Variants in CNTLN observed in about 807,000 individuals in gnomAD.
CNTLN encodes the protein centlein, also known as centlein, centrosomal protein.
CNTLN carries 212 observed loss-of-function variants against 180.0 expected under a neutral mutation model. That is an observed-to-expected ratio of 1.18 (90% CI 1.05 to 1.32). CNTLN has a LOEUF of 1.32. CNTLN is among the 40% of genes most tolerant of loss of function. The probability of loss-of-function intolerance (pLI) is 0.00; values close to 1 mark genes in which losing one functional copy is unlikely to be tolerated. For synonymous variants in CNTLN, 722 were observed against 563.1 expected (o/e 1.28, Z -3.99); for missense variants, 2,095 against 1,610.9 (o/e 1.30, Z -5.14).
At chr9:17,505,035 G>A (rs1051238693), downstream of CNTLN, among the ~76,000 whole-genome samples, 1 of 152,040 alleles carries the variant, frequency 6.6e-6, no homozygotes. Flanking sequence ...CACAATCAAA[G>A]CTGGTTCAAT....
chr9:17,382,671 T>C (rs1377443377), intron 13 of CNTLN, among the ~76,000 whole-genome samples: 1 of 152,162 alleles, frequency 6.6e-6, no homozygotes, highest in Admixed American at 6.5e-5. Flanking sequence ...ATTTTATAAA[T>C]AAAGGAAGGT....
At chr9:17,281,280 A>T (rs1889088) in intron 6 of CNTLN, among the ~76,000 whole-genome samples, 42,743 of 150,352 alleles carry the variant, frequency 0.28, 6,075 homozygotes, top group South Asian at 0.41. Context: ...TTTATTTTTT[A>T]AAAATTAATT....
chr9:17,526,821 C>T, the CNTLN span, among the ~76,000 whole-genome samples: 7 of 151,902 alleles, frequency 4.6e-5, no homozygotes, highest in African/African-American at 1.7e-4. Flanking sequence ...AAAATGCTTA[C>T]AATTTTTCAG....
the CNTLN span, among the ~76,000 whole-genome samples, chr9:17,516,335 C>T: frequency 2.6e-5 from 4 of 152,284 alleles, no homozygotes; most frequent in South Asian, 6.2e-4. Flanking sequence ...TAACTTTGCT[C>T]ACCCATTGCA....
At chr9:17,178,481 G>T (rs1250006955) in intron 2 of CNTLN, among the ~76,000 whole-genome samples, 1 of 152,118 alleles carries the variant, frequency 6.6e-6, no homozygotes, top group Non-Finnish European at 1.5e-5. Context: ...GGTTAGGGAG[G>T]CTCGGGCTGC....
At chr9:17,309,025 A>G in intron 7 of CNTLN, 33 bp from the exon 8 acceptor site, 2 of 1,385,886 alleles carry the variant, frequency 1.4e-6, no homozygotes, top group Non-Finnish European at 9.7e-7. Flanking sequence ...TTTATTGATT[A>G]TTAATATAAT....
chr9:17,303,275 A>G (rs992733949), intron 7 of CNTLN, among the ~76,000 whole-genome samples: 9 of 152,314 alleles, frequency 5.9e-5, no homozygotes, highest in African/African-American at 1.9e-4. Context: ...AGATTCTACA[A>G]ACTTGCATTA....
chr9:17,151,524 T>G (rs1818877588), intron 2 of CNTLN, among the ~76,000 whole-genome samples: 1 of 152,216 alleles, frequency 6.6e-6, no homozygotes, highest in Non-Finnish European at 1.5e-5. Flanking sequence ...TTCATCATGG[T>G]GGATAAGCTT....
At chr9:17,266,760 T>G (rs1158501615) in intron 5 of CNTLN, among the ~76,000 whole-genome samples, 1 of 152,222 alleles carries the variant, frequency 6.6e-6, no homozygotes, top group Non-Finnish European at 1.5e-5. Context: ...AGTGAGCTCT[T>G]GTTGTTGAAT....
intron 7 of CNTLN, among the ~76,000 whole-genome samples, chr9:17,303,643 T>A (rs1818518508): frequency 6.6e-6 from 1 of 152,202 alleles, no homozygotes; most frequent in Non-Finnish European, 1.5e-5. Context: ...AGGTGTGTTA[T>A]TGTTCATACT....
chr9:17,307,757 T>TGTACACAAATCCTAG (rs1405772857), intron 7 of CNTLN, among the ~76,000 whole-genome samples: 2 of 151,974 alleles, frequency 1.3e-5, no homozygotes, highest in Non-Finnish European at 2.9e-5. Flanking sequence ...CATACAGAAA[T>TGTACACAAATCCTAG]GTACACAAAT....
At chr9:17,282,747 C>G (rs569174297) in intron 6 of CNTLN, among the ~76,000 whole-genome samples, 1 of 152,098 alleles carries the variant, frequency 6.6e-6, no homozygotes. Context: ...TTTAACCTAT[C>G]TTGAATTGAT....
At chr9:17,452,927 C>T (rs1830869485) in intron 18 of CNTLN, among the ~76,000 whole-genome samples, 1 of 151,960 alleles carries the variant, frequency 6.6e-6, no homozygotes, top group African/African-American at 2.4e-5. Flanking sequence ...GTCAGTTAAA[C>T]TACAAAATGC....
At chr9:17,511,580 C>G in the CNTLN span, among the ~76,000 whole-genome samples, 1 of 151,972 alleles carries the variant, frequency 6.6e-6, no homozygotes, top group Non-Finnish European at 1.5e-5. Context: ...TGGTTGGAGT[C>G]TGTCCTCAGT....
intron 18 of CNTLN, among the ~76,000 whole-genome samples, chr9:17,432,030 A>G (rs1829448495): frequency 6.6e-6 from 1 of 152,190 alleles, no homozygotes; most frequent in Non-Finnish European, 1.5e-5. Context: ...ATATTAAATC[A>G]TTAGTTTTAA....
intron 5 of CNTLN, among the ~76,000 whole-genome samples, chr9:17,269,239 T>C (rs1317219179): frequency 2.0e-5 from 3 of 152,198 alleles, no homozygotes; most frequent in Non-Finnish European, 4.4e-5. Context: ...AAATTTTTTT[T>C]CTATTGTTTT....
rs551857034 is a variant in CNTLN, at chr9:17,144,861, G to A, written c.449+1485G>A. On this transcript the variant is annotated intron_variant, in intron 2 of 25. Transcript: ENST00000380647. ...ATTTTATTTTTTTTTTTGAGACGGA[G>A]TCTCGCTCTGTCGCCCAGGCCAGAC... Among the ~76,000 whole-genome samples, 18 of 149,844 alleles carry A rather than the reference G, an allele frequency of 1.2e-4. No individual in the cohort carries two copies. The South Asian group carries it at 3.8e-3, about 31-fold the overall frequency.
chr9:17,452,533 T>C (rs1227375093), intron 18 of CNTLN, among the ~76,000 whole-genome samples: 2 of 152,226 alleles, frequency 1.3e-5, no homozygotes, highest in Non-Finnish European at 2.9e-5. Flanking sequence ...TTCCCTCAGC[T>C]TCCTGTTTTG....
chr9:17,194,579 A>G (rs184039798), intron 2 of CNTLN, among the ~76,000 whole-genome samples: 2,172 of 152,268 alleles, frequency 0.014, 87 homozygotes, highest in East Asian at 0.13. Flanking sequence ...TATCCATATC[A>G]GTATCAGCAT....
Sources: allele counts gnomAD v4.1 joint callset (sites outside exome capture counted in the v4.1 genomes callset), GRCh38; gene constraint gnomAD v4.1.1; transcripts MANE v1.5; gene names NCBI Gene and HGNC (gene_info 2026-07-23, HGNC 2026-07-21).